The following KIF13A variants were observed in gnomAD, a reference collection of about 807,000 sequenced individuals.
KIF13A encodes the protein kinesin-like protein KIF13A.
A neutral mutation model predicts 212.2 loss-of-function variants in KIF13A; 79 were observed. That is an observed-to-expected ratio of 0.37 (90% confidence interval 0.31 to 0.45). The LOEUF is 0.45. Ranked by LOEUF, KIF13A falls within the 20% of genes least tolerant of loss-of-function variation. KIF13A has a pLI of 1.00. For synonymous variants in KIF13A, 789 were observed against 808.6 expected (o/e 0.98, Z 0.41); for missense variants, 1,901 against 2,209.0 (o/e 0.86, Z 2.79).
intron 9 of KIF13A, among the ~76,000 whole-genome samples, chr6:17,846,219 A>G (rs189749593): frequency 1.3e-5 from 2 of 151,724 alleles, no homozygotes; most frequent in Admixed American, 1.3e-4. Flanking sequence ...GCCTCCCAAA[A>G]TGCTGGGACT....
Position 17,961,818 on chromosome 6 carries a change from C to A in KIF13A, c.146+25236G>T, listed in dbSNP as rs80123301. 0.011 allele frequency among the ~76,000 whole-genome samples: 1,712 copies of A among 152,288 alleles called. 36 individuals carry two copies. The highest frequency in any genetic ancestry group is 0.039 in the African/African-American group (1,625 of 41,566). On this transcript the variant is annotated intron_variant, in intron 2 of 38. Coordinates refer to ENST00000259711, the MANE Select transcript of KIF13A (RefSeq NM_022113.6). The surrounding 1 kb of genome is among the most constrained non-coding windows in gnomAD (Gnocchi z 4.1). Reference sequence around the variant, plus strand: ...GGCGTCTTACCTCTAGTTTCAAATTCTTCTCTTATTCTCACCTAAGCCCTG... The same window carrying A: ...GGCGTCTTACCTCTAGTTTCAAATTATTCTCTTATTCTCACCTAAGCCCTG...
intron 4 of KIF13A, among the ~76,000 whole-genome samples, chr6:17,858,742 C>A (rs1229464032): frequency 3.3e-5 from 5 of 152,148 alleles, no homozygotes; most frequent in Non-Finnish European, 7.4e-5. Flanking sequence ...ATTCTTGGCA[C>A]AAGCAGCTGA....
Position 17,855,377 on chromosome 6 carries a change from T to G in KIF13A, c.494+60A>C. On this transcript the variant is annotated intron_variant, in intron 6 of 38. Transcript: ENST00000259711. This position sits in a 1 kb window ranked among gnomAD's most constrained non-coding sequence, Gnocchi z 4.1. ...CGTATATTCACTTCCAATTTTAACT[T>G]TAGAATCATTTAAAATTATCTCCCC... The G allele has an allele frequency of 7.8e-7, 1 of 1,289,656 alleles. No homozygotes were observed. The highest frequency in any genetic ancestry group is 1.1e-6 in the Non-Finnish European group (1 of 926,574). The allele number at this position is 1,289,656 out of a possible 1,614,324, so 79.9% of individuals were successfully genotyped here.
intron 2 of KIF13A, among the ~76,000 whole-genome samples, chr6:17,909,215 T>C (rs1217564793): frequency 2.0e-5 from 3 of 152,210 alleles, no homozygotes; most frequent in African/African-American, 7.2e-5. Flanking sequence ...ACAGAACTTA[T>C]AAAACAGGGT....
At position 17,838,699 on chromosome 6, in the gene KIF13A, C is replaced by T. The variant is rs1438143447; in HGVS notation, c.831-1116G>A. 6.6e-6 allele frequency among the ~76,000 whole-genome samples: 1 copy of T among 152,082 alleles called. No individual in the cohort carries two copies. Among genetic ancestry groups the T allele is most frequent in the African/African-American group, 2.4e-5 (1 of 41,414 alleles). ...ACACAGAAAAACAAATATTGCATGT[C>T]CTTACTCATAAGTGGAAGCTAAATA... On this transcript the variant is annotated intron_variant, in intron 9 of 38. Coordinates refer to ENST00000259711, the MANE Select transcript of KIF13A (RefSeq NM_022113.6). The surrounding 1 kb of genome is among the most constrained non-coding windows in gnomAD (Gnocchi z 4.2).
Position 17,898,403 on chromosome 6 carries a change from G to A in KIF13A, c.147-223C>T, listed in dbSNP as rs1203403956. ...ATATTTGCTCAAAAACATGGTATGG[G>A]CATAATGAATTTCTCTCTTGGTTGC... On this transcript the variant is annotated intron_variant, in intron 2 of 38. Coordinates refer to ENST00000259711, the MANE Select transcript of KIF13A (RefSeq NM_022113.6). This position sits in a 1 kb window ranked among gnomAD's most constrained non-coding sequence, Gnocchi z 5.2. Among the ~76,000 whole-genome samples the A allele has an allele frequency of 1.3e-5, 2 of 152,144 alleles. No homozygotes were observed. The highest frequency in any genetic ancestry group is 2.4e-5 in the African/African-American group (1 of 41,424).
At chr6:17,873,912 T>A (rs778181634) in intron 3 of KIF13A, among the ~76,000 whole-genome samples, 2 of 152,216 alleles carry the variant, frequency 1.3e-5, no homozygotes, top group Non-Finnish European at 2.9e-5. Flanking sequence ...TCTTTTAGAC[T>A]AAATATATGG....
Position 17,915,336 on chromosome 6 carries a change from C to T in KIF13A, c.147-17156G>A, listed in dbSNP as rs1414061411. On this transcript the variant is annotated intron_variant, in intron 2 of 38. Transcript: ENST00000259711. This position sits in a 1 kb window ranked among gnomAD's most constrained non-coding sequence, Gnocchi z 4.4. ...CCTGGTGCTTAAGCTCTCAGTGCCT[C>T]AGTTACCTCACCTGTCAAATAGAGC... is the stretch of plus-strand genomic sequence containing the variant. Among the ~76,000 whole-genome samples, 1 of 152,170 alleles carries T rather than the reference C, an allele frequency of 6.6e-6. No individual in the cohort carries two copies. The highest frequency in any genetic ancestry group is 1.5e-5 in the Non-Finnish European group (1 of 68,026).
chr6:17,853,728 A>G (rs1353215436), intron 6 of KIF13A, among the ~76,000 whole-genome samples: 1 of 152,226 alleles, frequency 6.6e-6, no homozygotes. Flanking sequence ...GAACACATAT[A>G]TTATGATGTC....
At chr6:17,812,996 CT>C (rs1334177881) in intron 17 of KIF13A, among the ~76,000 whole-genome samples, 2 of 152,078 alleles carry the variant, frequency 1.3e-5, no homozygotes, top group South Asian at 2.1e-4. Flanking sequence ...GACACTTTTG[CT>C]TTTATCTTTT....
Position 17,769,025 on chromosome 6 carries a change from A to C in KIF13A, c.4581+2089T>G, listed in dbSNP as rs1479941441. ...GTTACTATGGTAATTAGGTGGGTTA[A>C]ACATTAACAGGAACAATGTCTTGAT... On this transcript the variant is annotated intron_variant, in intron 38 of 38. Transcript: ENST00000259711. This position sits in a 1 kb window ranked among gnomAD's most constrained non-coding sequence, Gnocchi z 5.8. Among the ~76,000 whole-genome samples the C allele has an allele frequency of 6.6e-6, 1 of 152,200 alleles. No individual in the cohort carries two copies. Among genetic ancestry groups the C allele is most frequent in the Non-Finnish European group, 1.5e-5 (1 of 68,042 alleles).
intron 2 of KIF13A, among the ~76,000 whole-genome samples, chr6:17,939,933 G>A (rs1332486119): frequency 6.6e-6 from 1 of 151,678 alleles, no homozygotes; most frequent in Non-Finnish European, 1.5e-5. Context: ...CCAGCTACTC[G>A]GGAGGCTGAG....
Position 17,961,434 on chromosome 6 carries a change from A to G in KIF13A, c.146+25620T>C, listed in dbSNP as rs1019273087. On this transcript the variant is annotated intron_variant, in intron 2 of 38. Transcript: ENST00000259711. The surrounding 1 kb of genome is among the most constrained non-coding windows in gnomAD (Gnocchi z 4.1). ...AATTGGCCCAACAAGCACCAAGCAT[A>G]TTGTAAGCCCTTTATATTCTCCCCG... is the stretch of plus-strand genomic sequence containing the variant. Among the ~76,000 whole-genome samples, 2 of 152,228 alleles carry G rather than the reference A, an allele frequency of 1.3e-5. No individual in the cohort carries two copies. Among genetic ancestry groups the G allele is most frequent in the Non-Finnish European group, 2.9e-5 (2 of 68,030 alleles).
chr6:17,811,829 C>T lies in KIF13A; in HGVS notation c.2001-2899G>A, dbSNP rs1030727363. On this transcript the variant is annotated intron_variant, in intron 17 of 38. Transcript: ENST00000259711. The surrounding 1 kb of genome is among the most constrained non-coding windows in gnomAD (Gnocchi z 6.0). ...TCCTTCCTTCCTTCCTTCTCTCCCT[C>T]CCTTTTTCTTTCTTTCCTTCTCTCT... 1.3e-5 allele frequency among the ~76,000 whole-genome samples: 2 copies of T among 151,562 alleles called. No homozygotes were observed. The highest frequency in any genetic ancestry group is 4.2e-4 in the South Asian group (2 of 4,746).
intron 2 of KIF13A, among the ~76,000 whole-genome samples, chr6:17,921,679 G>C (rs754017756): frequency 2.6e-5 from 4 of 152,160 alleles, no homozygotes; most frequent in Non-Finnish European, 5.9e-5. Flanking sequence ...TCAAGGTGGG[G>C]AGAGAGGAAG....
chr6:17,921,065 A>G (rs1775029406), intron 2 of KIF13A, among the ~76,000 whole-genome samples: 1 of 152,170 alleles, frequency 6.6e-6, no homozygotes, highest in Admixed American at 6.5e-5. Flanking sequence ...TGAAAAATAC[A>G]TAAATGACAC....
Position 17,828,129 on chromosome 6 carries a change from C to A in KIF13A, c.1532+111G>T. The A allele has an allele frequency of 9.7e-7, 1 of 1,027,452 alleles. No individual in the cohort carries two copies. The highest frequency in any genetic ancestry group is 1.6e-5 in the African/African-American group (1 of 61,614). 63.6% of individuals were successfully genotyped at this position (1,027,452 alleles called of 1,614,324 possible). ...CAGAAAGCAAGGGCCCCCTGAGGAC[C>A]CCCATGTATCCTTAACTTTAATATA... On this transcript the variant is annotated intron_variant, in intron 14 of 38. Coordinates refer to ENST00000259711, the MANE Select transcript of KIF13A (RefSeq NM_022113.6). The surrounding 1 kb of genome is among the most constrained non-coding windows in gnomAD (Gnocchi z 4.3).
At chr6:17,792,627 G>T (rs747194124) in intron 25 of KIF13A, among the ~76,000 whole-genome samples, 25 of 152,128 alleles carry the variant, frequency 1.6e-4, no homozygotes, top group Non-Finnish European at 2.8e-4. Context: ...CACACACAAG[G>T]AAAAGTCTGG....
At chr6:17,846,135 T>C (rs1309978366) in intron 9 of KIF13A, among the ~76,000 whole-genome samples, 2 of 151,184 alleles carry the variant, frequency 1.3e-5, no homozygotes, top group East Asian at 3.9e-4. Context: ...TTTGTATTTT[T>C]AGTAAAGACA....
Sources: gnomAD v4.1 joint callset for allele counts (sites outside exome capture counted in the v4.1 genomes callset) on GRCh38, gnomAD v4.1.1 for gene constraint, Gnocchi (gnomAD v3.1) non-coding constraint, MANE v1.5 for transcripts, NCBI Gene and HGNC (gene_info 2026-07-23, HGNC 2026-07-21) for gene names.